Variants in SORCS3 observed in about 807,000 individuals in gnomAD.
SORCS3 encodes the protein VPS10 domain-containing receptor SorCS3.
Under a neutral mutation model 146.3 loss-of-function variants are expected in SORCS3, and 57 were observed. The ratio of observed to expected loss-of-function variants is 0.39; its 90% CI spans 0.31 to 0.49. SORCS3 has a LOEUF of 0.49. Ranked by LOEUF, SORCS3 falls within the 20% of genes least tolerant of loss-of-function variation. The pLI is 0.92. For missense variants in SORCS3, 1,341 were observed against 1,575.5 expected (o/e 0.85, Z 2.52); for synonymous variants, 653 against 618.5 (o/e 1.06, Z -0.83).
At chr10:104,676,521 G>A (rs2015915096) in intron 1 of SORCS3, among the ~76,000 whole-genome samples, 1 of 152,210 alleles carries the variant, frequency 6.6e-6, no homozygotes, top group Non-Finnish European at 1.5e-5. Context: ...TGTAAAATAG[G>A]AGAATAAAAG....
intron 3 of SORCS3, among the ~76,000 whole-genome samples, chr10:104,954,219 G>A (rs1419418457): frequency 6.6e-6 from 1 of 152,164 alleles, no homozygotes; most frequent in East Asian, 1.9e-4. Flanking sequence ...TAATTTCTAG[G>A]AAGAAAATTG....
intron 3 of SORCS3, among the ~76,000 whole-genome samples, chr10:104,928,344 C>A (rs1388510724): frequency 1.3e-5 from 2 of 152,136 alleles, no homozygotes; most frequent in Admixed American, 6.5e-5. Context: ...CCTCACTAGA[C>A]CTTCTGGGTG....
chr10:105,089,569 G>A (rs576251498), intron 5 of SORCS3, among the ~76,000 whole-genome samples: 6 of 152,326 alleles, frequency 3.9e-5, no homozygotes, highest in African/African-American at 1.4e-4. Context: ...CAGTACTCAT[G>A]TCTCATGACC....
intron 1 of SORCS3, among the ~76,000 whole-genome samples, chr10:104,799,136 C>T (rs946032628): frequency 1.1e-4 from 16 of 152,222 alleles, no homozygotes; most frequent in African/African-American, 3.4e-4. Flanking sequence ...GATAGTGTGG[C>T]GATTCCTCAA....
At chr10:104,907,155 A>T (rs1434352191) in intron 2 of SORCS3, among the ~76,000 whole-genome samples, 1 of 113,316 alleles carries the variant, frequency 8.8e-6, no homozygotes, top group African/African-American at 4.1e-5. Flanking sequence ...GTGTGTGTGT[A>T]ATACACTCTA....
At chr10:105,016,889 C>T in intron 4 of SORCS3, among the ~76,000 whole-genome samples, 1 of 152,072 alleles carries the variant, frequency 6.6e-6, no homozygotes, top group East Asian at 1.9e-4. Flanking sequence ...AAACAGTTTC[C>T]TAAAACAACA....
chr10:104,786,664 T>A (rs1210103919), intron 1 of SORCS3, among the ~76,000 whole-genome samples: 3 of 151,884 alleles, frequency 2.0e-5, no homozygotes, highest in African/African-American at 7.3e-5. Flanking sequence ...AGGAATGGCT[T>A]CAGGTTCAGG....
chr10:104,891,971 T>C (rs1400708100), intron 2 of SORCS3, among the ~76,000 whole-genome samples: 1 of 152,242 alleles, frequency 6.6e-6, no homozygotes, highest in Non-Finnish European at 1.5e-5. Flanking sequence ...TGCTCTTCTT[T>C]GATCCTTATT....
chr10:105,010,218 C>T (rs894080000), intron 4 of SORCS3, among the ~76,000 whole-genome samples: 2 of 152,148 alleles, frequency 1.3e-5, no homozygotes, highest in African/African-American at 2.4e-5. Context: ...CATGAAGAAA[C>T]ATGAAAGTAC....
intron 20 of SORCS3, among the ~76,000 whole-genome samples, chr10:105,236,475 G>A (rs2056793479): frequency 1.3e-5 from 2 of 152,262 alleles, no homozygotes; most frequent in South Asian, 4.1e-4. Flanking sequence ...CTCCTGTGCA[G>A]ATGTGAGGGT....
chr10:105,099,593 T>G (rs1037080664), intron 6 of SORCS3, among the ~76,000 whole-genome samples: 15 of 152,218 alleles, frequency 9.9e-5, no homozygotes, highest in African/African-American at 3.4e-4. Context: ...GCTAAGATTT[T>G]ATTTCTGCTG....
intron 4 of SORCS3, among the ~76,000 whole-genome samples, chr10:105,005,455 G>A (rs1180402851): frequency 6.6e-6 from 1 of 152,178 alleles, no homozygotes; most frequent in African/African-American, 2.4e-5. Context: ...TGGGGATTAG[G>A]GAAATCCTCT....
intron 1 of SORCS3, among the ~76,000 whole-genome samples, chr10:104,747,031 A>C (rs1289527413): frequency 6.6e-6 from 1 of 152,136 alleles, no homozygotes; most frequent in East Asian, 1.9e-4. Context: ...CAGGGATTCA[A>C]CTCCAAGTCT....
chr10:104,947,429 C>A (rs998044694), intron 3 of SORCS3, among the ~76,000 whole-genome samples: 9 of 152,102 alleles, frequency 5.9e-5, no homozygotes, highest in Non-Finnish European at 1.3e-4. Flanking sequence ...GCTTCATTCT[C>A]TTTCCTCTTG....
chr10:105,200,979 T>C (rs2056571130), intron 15 of SORCS3, 141 bp from the exon 16 acceptor site: 4 of 903,900 alleles, frequency 4.4e-6, no homozygotes, highest in Non-Finnish European at 6.5e-6. Context: ...TTCTTGAAAC[T>C]CCTGGATCAT....
chr10:104,899,538 C>T (rs938901374), intron 2 of SORCS3, among the ~76,000 whole-genome samples: 1 of 152,178 alleles, frequency 6.6e-6, no homozygotes, highest in Admixed American at 6.5e-5. Flanking sequence ...AAAGCTGCAC[C>T]TAACTTTTCT....
intron 1 of SORCS3, among the ~76,000 whole-genome samples, chr10:104,686,348 G>A (rs1369791493): frequency 6.6e-6 from 1 of 152,112 alleles, no homozygotes; most frequent in Non-Finnish European, 1.5e-5. Flanking sequence ...GGGCATGGGG[G>A]CAGGAGCACA....
intron 3 of SORCS3, among the ~76,000 whole-genome samples, chr10:104,941,942 G>A (rs891050913): frequency 1.3e-5 from 2 of 152,216 alleles, no homozygotes; most frequent in East Asian, 1.9e-4. Flanking sequence ...AGCCTGATGA[G>A]TCTGGAGTAT....
chr10:104,782,670 G>A (rs1472281342), intron 1 of SORCS3, among the ~76,000 whole-genome samples: 1 of 152,186 alleles, frequency 6.6e-6, no homozygotes, highest in East Asian at 1.9e-4. Flanking sequence ...GATAGGAAGT[G>A]CCCTGGGCCA....
Sources: gnomAD v4.1 joint callset for allele counts (sites outside exome capture counted in the v4.1 genomes callset) on GRCh38, gnomAD v4.1.1 for gene constraint, MANE v1.5 for transcripts, NCBI Gene and HGNC (gene_info 2026-07-23, HGNC 2026-07-21) for gene names.